GLIS1: variants seen among roughly 807,000 people sequenced by gnomAD.
GLIS1 encodes the protein GLIS family zinc finger 1.
GLIS1 carries 24 observed loss-of-function variants against 63.8 expected under a neutral mutation model. The observed-to-expected ratio is 0.38, with a 90% CI of 0.27 to 0.53. The LOEUF is 0.53. Among genes scored for constraint, GLIS1 ranks in the 20% least tolerant of loss-of-function variants. The pLI is 0.85. For missense variants in GLIS1, 1,036 were observed against 1,074.1 expected (o/e 0.96, Z 0.50); for synonymous variants, 450 against 482.5 (o/e 0.93, Z 0.88).
At chr1:53,643,104 C>T (rs10888801) in intron 2 of GLIS1, among the ~76,000 whole-genome samples, 81,145 of 151,978 alleles carry the variant, frequency 0.53, 23,199 homozygotes, top group Non-Finnish European at 0.63. Context: ...CCCGAACAAA[C>T]GAAACCACCA....
chr1:53,613,746 G>A (rs776837119), intron 2 of GLIS1, among the ~76,000 whole-genome samples: 4 of 152,048 alleles, frequency 2.6e-5, no homozygotes, highest in Non-Finnish European at 5.9e-5. Context: ...ACCACACAAG[G>A]AACTGAGAAA....
At chr1:53,607,958 C>CT (rs377462740) in intron 2 of GLIS1, among the ~76,000 whole-genome samples, 86,433 of 128,596 alleles carry the variant, frequency 0.67, 29,312 homozygotes, top group Middle Eastern at 0.83. Context: ...TGATGTCTCT[C>CT]TTTTTTTTTT....
intron 2 of GLIS1, among the ~76,000 whole-genome samples, chr1:53,679,982 T>C (rs1646257489): frequency 6.6e-6 from 1 of 152,094 alleles, no homozygotes; most frequent in South Asian, 2.1e-4. Context: ...ATGGAAGCAG[T>C]AATGGAGACC....
chr1:53,572,110 C>T (rs142843180), intron 4 of GLIS1, among the ~76,000 whole-genome samples: 1 of 152,284 alleles, frequency 6.6e-6, no homozygotes, highest in African/African-American at 2.4e-5. Context: ...CACATATTTG[C>T]ATGTATTCTC....
chr1:53,724,640 T>C (rs1390532710), intron 2 of GLIS1, among the ~76,000 whole-genome samples: 2 of 152,108 alleles, frequency 1.3e-5, no homozygotes, highest in African/African-American at 4.8e-5. Flanking sequence ...CCCCTCAGCC[T>C]CCCTAGTAGC....
chr1:53,692,132 A>G (rs2100463125), intron 2 of GLIS1, among the ~76,000 whole-genome samples: 1 of 152,164 alleles, frequency 6.6e-6, no homozygotes, highest in East Asian at 1.9e-4. Context: ...TTTCCTTCTC[A>G]TCCAACCTCT....
At chr1:53,520,590 C>T in intron 7 of GLIS1, 44 bp downstream of exon 7, 1 of 1,542,444 alleles carries the variant, frequency 6.5e-7, no homozygotes, top group East Asian at 2.3e-5. Context: ...AGAGAAAGGC[C>T]CCTCCTGGGC....
At chr1:53,572,947 C>T (rs1487903415) in intron 4 of GLIS1, among the ~76,000 whole-genome samples, 1 of 152,200 alleles carries the variant, frequency 6.6e-6, no homozygotes, top group Non-Finnish European at 1.5e-5. Context: ...ATTTGTAAAA[C>T]AGCACCTAGC....
rs956516879 is a variant in GLIS1, at chr1:53,675,259, C to T, written c.259+62547G>A. ...TCTCCAAGGGTCTTCTGTGTGCAGG[C>T]TCTGAGTCCTTGCTTTAATCCTAGC... On this transcript the variant is annotated intron_variant, in intron 2 of 10. Coordinates refer to ENST00000628545, the MANE Select transcript of GLIS1 (RefSeq NM_001367484.1). Among the ~76,000 whole-genome samples, 8 of 152,204 alleles carry T rather than the reference C, an allele frequency of 5.3e-5. No homozygotes were observed. In the East Asian group the frequency reaches 9.6e-4, roughly 18 times the overall value.
At chr1:53,644,667 G>GA (rs1214900030) in intron 2 of GLIS1, among the ~76,000 whole-genome samples, 4 of 152,202 alleles carry the variant, frequency 2.6e-5, no homozygotes, top group Non-Finnish European at 5.9e-5. Flanking sequence ...GAACAGATGG[G>GA]ACCAGGGCCC....
chr1:53,611,340 T>C (rs1645423040), intron 2 of GLIS1, among the ~76,000 whole-genome samples: 1 of 152,210 alleles, frequency 6.6e-6, no homozygotes, highest in African/African-American at 2.4e-5. Context: ...TCCTCCTGCC[T>C]TGACCTCCCA....
At chr1:53,663,393 C>T (rs17109055) in intron 2 of GLIS1, among the ~76,000 whole-genome samples, 2,386 of 152,326 alleles carry the variant, frequency 0.016, 46 homozygotes, top group African/African-American at 0.053. Flanking sequence ...AGACGGCAAG[C>T]GAACGGCTCC....
chr1:53,532,030 G>A (rs1350375762), intron 4 of GLIS1, among the ~76,000 whole-genome samples: 2 of 152,186 alleles, frequency 1.3e-5, no homozygotes, highest in African/African-American at 2.4e-5. Context: ...ATTACGCTGG[G>A]GGTGGGCTGG....
intron 2 of GLIS1, among the ~76,000 whole-genome samples, chr1:53,654,897 C>T (rs1250834835): frequency 6.6e-6 from 1 of 152,086 alleles, no homozygotes. Flanking sequence ...AGGAAAGGAA[C>T]GAAGGCAGTC....
rs145545293 is a variant in GLIS1, at chr1:53,640,248, C to T, written c.260-39970G>A. 7.3e-4 allele frequency among the ~76,000 whole-genome samples: 111 copies of T among 152,260 alleles called. 1 individual carries two copies. The highest frequency in any genetic ancestry group is 2.4e-3 in the African/African-American group (100 of 41,544). On this transcript the variant is annotated intron_variant, in intron 2 of 10. Coordinates refer to ENST00000628545, the MANE Select transcript of GLIS1 (RefSeq NM_001367484.1). Reference sequence around the variant, plus strand: ...GCAGGGCAAACACTACCTTGCCTTCCGGAGGCTCCACAAAGCCCCTTTGTG... The same window carrying T: ...GCAGGGCAAACACTACCTTGCCTTCTGGAGGCTCCACAAAGCCCCTTTGTG...
At chr1:53,509,494 G>A (rs577087099) in intron 9 of GLIS1, among the ~76,000 whole-genome samples, 24 of 152,280 alleles carry the variant, frequency 1.6e-4, no homozygotes, top group African/African-American at 4.1e-4. Flanking sequence ...GAGGGCAGGC[G>A]AGGGGTGGCT....
chr1:53,648,397 C>A (rs1473248343), intron 2 of GLIS1, among the ~76,000 whole-genome samples: 1 of 152,194 alleles, frequency 6.6e-6, no homozygotes, highest in African/African-American at 2.4e-5. Flanking sequence ...CTCTGCTACT[C>A]TGCCAGCGGG....
At chr1:53,549,247 A>G (rs1644735489) in intron 4 of GLIS1, among the ~76,000 whole-genome samples, 1 of 152,238 alleles carries the variant, frequency 6.6e-6, no homozygotes, top group Non-Finnish European at 1.5e-5. Flanking sequence ...GTGAACATTC[A>G]TGTACAAGCT....
At chr1:53,708,312 A>G (rs1350420495) in intron 2 of GLIS1, among the ~76,000 whole-genome samples, 1 of 152,122 alleles carries the variant, frequency 6.6e-6, no homozygotes, top group Non-Finnish European at 1.5e-5. Context: ...AAGCAAAGCT[A>G]AAGACAGCTT....
Sources: allele counts gnomAD v4.1 joint callset (sites outside exome capture counted in the v4.1 genomes callset), GRCh38; gene constraint gnomAD v4.1.1; transcripts MANE v1.5; gene names NCBI Gene and HGNC (gene_info 2026-07-23, HGNC 2026-07-21).